Variants in XKR4 observed in about 807,000 individuals in gnomAD.
XKR4 encodes the protein XK-related protein 4.
In XKR4, 12 loss-of-function variants were observed where a neutral mutation model predicts 53.9. That is an observed-to-expected ratio of 0.22 (90% CI 0.14 to 0.36). The LOEUF (loss-of-function observed/expected upper bound fraction) is 0.36. Ranked by LOEUF, XKR4 falls within the 10% of genes least tolerant of loss-of-function variation. XKR4 has a pLI of 1.00. For synonymous variants in XKR4, 354 were observed against 362.4 expected (o/e 0.98, Z 0.26); for missense variants, 799 against 859.5 (o/e 0.93, Z 0.88).
chr8:55,450,815 T>C (rs915212288), intron 2 of XKR4: 35 of 506,732 alleles, frequency 6.9e-5, no homozygotes, highest in African/African-American at 5.5e-4. Flanking sequence ...ACATGGGTGG[T>C]GATGTCCCAG....
intron 2 of XKR4, among the ~76,000 whole-genome samples, chr8:55,463,922 C>G (rs1805707831): frequency 6.6e-6 from 1 of 152,230 alleles, no homozygotes; most frequent in African/African-American, 2.4e-5. Context: ...CAAGACTAAA[C>G]CAGGAGGAAG....
intron 1 of XKR4, among the ~76,000 whole-genome samples, chr8:55,307,804 T>G (rs947619605): frequency 6.6e-6 from 1 of 152,154 alleles, no homozygotes; most frequent in Non-Finnish European, 1.5e-5. Flanking sequence ...ACAGCAGCAG[T>G]TGCTGGCAAG....
chr8:55,216,412 G>T (rs1350523153), intron 1 of XKR4, among the ~76,000 whole-genome samples: 1 of 152,136 alleles, frequency 6.6e-6, no homozygotes, highest in African/African-American at 2.4e-5. Context: ...GGTAGAGAAG[G>T]ATTTTTAAAA....
intron 2 of XKR4, among the ~76,000 whole-genome samples, chr8:55,395,781 GACCT>G (rs967060450): frequency 1.3e-5 from 2 of 152,222 alleles, no homozygotes; most frequent in African/African-American, 4.8e-5. Context: ...CAGGAGGTAT[GACCT>G]AAGGAACAGT....
intron 1 of XKR4, among the ~76,000 whole-genome samples, chr8:55,253,885 G>A (rs899737653): frequency 4.0e-5 from 6 of 151,782 alleles, no homozygotes; most frequent in African/African-American, 1.4e-4. Flanking sequence ...CATGCCTCAG[G>A]AATTTCTGTG....
intron 1 of XKR4, among the ~76,000 whole-genome samples, chr8:55,247,843 C>CTTTCTTTCTTTCTTTCTTTCTTTCTTTA (rs1818304534): frequency 1.9e-5 from 1 of 51,892 alleles, no homozygotes; most frequent in South Asian, 7.7e-4. Context: ...CTTTTTCTTT[C>CTTTCTTTCTTTCTTTCTTTCTTTCTTTA]TTTCTTTCTT....
Position 55,401,894 on chromosome 8 carries a change from A to G in XKR4, c.1006+44017A>G, listed in dbSNP as rs909695707. Among the ~76,000 whole-genome samples the G allele has an allele frequency of 2.6e-4, 40 of 152,252 alleles. 1 individual carries two copies. The highest frequency in any genetic ancestry group is 8.2e-4 in the African/African-American group (34 of 41,474). On this transcript the variant is annotated intron_variant, in intron 2 of 2. Transcript: ENST00000327381. ...AGGAATTATAAGTACATATTTACTA[A>G]TTCATTTGAAATTAGCAGTAATAAA...
chr8:55,394,461 T>C (rs1458249593), intron 2 of XKR4, among the ~76,000 whole-genome samples: 2 of 152,240 alleles, frequency 1.3e-5, no homozygotes, highest in Non-Finnish European at 2.9e-5. Context: ...CTAAGCATTA[T>C]GAAAATACAT....
rs527404855 is a variant in XKR4 at position 55,440,518 on chromosome 8, C to A, written c.1006+82641C>A. Among the ~76,000 whole-genome samples, 35 of 151,842 alleles carry A rather than the reference C, an allele frequency of 2.3e-4. No individual in the cohort carries two copies. In the South Asian group the frequency reaches 6.4e-3, roughly 28 times the overall value. ...GGTGGGCAAATATTCTGATTTAGAC[C>A]TTAGGTTAAATATGCACATGAAGAT... On this transcript the variant is annotated intron_variant, in intron 2 of 2. Coordinates refer to ENST00000327381, the MANE Select transcript of XKR4 (RefSeq NM_052898.2).
At chr8:55,223,033 C>T (rs1817901971) in intron 1 of XKR4, among the ~76,000 whole-genome samples, 1 of 151,976 alleles carries the variant, frequency 6.6e-6, no homozygotes, top group Non-Finnish European at 1.5e-5. Flanking sequence ...CCTCTCTTGT[C>T]CAGGAGAGGA....
chr8:55,431,520 A>C (rs1221466120), intron 2 of XKR4, among the ~76,000 whole-genome samples: 1 of 152,218 alleles, frequency 6.6e-6, no homozygotes, highest in African/African-American at 2.4e-5. Context: ...GATTATCTTT[A>C]GCTTGAAAAC....
At chr8:55,404,502 C>T (rs1030829476) in intron 2 of XKR4, among the ~76,000 whole-genome samples, 4 of 152,170 alleles carry the variant, frequency 2.6e-5, no homozygotes, top group Non-Finnish European at 1.5e-5. Flanking sequence ...CGTCATTTCC[C>T]CAGGAGCTTC....
At chr8:55,239,466 C>A (rs191027949) in intron 1 of XKR4, among the ~76,000 whole-genome samples, 26 of 152,338 alleles carry the variant, frequency 1.7e-4, no homozygotes, top group African/African-American at 6.0e-4. Flanking sequence ...TTTGCACTGA[C>A]TTTTAAGCTC....
At chr8:55,389,092 G>A (rs1804398301) in intron 2 of XKR4, among the ~76,000 whole-genome samples, 1 of 152,214 alleles carries the variant, frequency 6.6e-6, no homozygotes, top group Non-Finnish European at 1.5e-5. Flanking sequence ...CACAGGGAGA[G>A]AGACACGTGA....
At chr8:55,166,841 G>A (rs1431458544) in intron 1 of XKR4, among the ~76,000 whole-genome samples, 2 of 152,240 alleles carry the variant, frequency 1.3e-5, no homozygotes, top group Non-Finnish European at 2.9e-5. Context: ...CCATCTGGTG[G>A]ACTAGAGCAC....
At chr8:55,361,958 G>A (rs1170678064) in intron 2 of XKR4, among the ~76,000 whole-genome samples, 2 of 152,054 alleles carry the variant, frequency 1.3e-5, no homozygotes, top group African/African-American at 4.8e-5. Flanking sequence ...TTCCACATTA[G>A]TATTTCCTCA....
At chr8:55,472,995 G>A (rs745940909) in intron 2 of XKR4, among the ~76,000 whole-genome samples, 9 of 151,990 alleles carry the variant, frequency 5.9e-5, no homozygotes, top group South Asian at 2.1e-4. Context: ...CTATGAATAC[G>A]ATTACCCCAC....
chr8:55,252,847 G>A (rs1280406296), intron 1 of XKR4, among the ~76,000 whole-genome samples: 1 of 152,190 alleles, frequency 6.6e-6, no homozygotes, highest in East Asian at 1.9e-4. Context: ...GAGGCAGAAG[G>A]AATGGCAGAG....
At chr8:55,120,540 G>A (rs925233788) in intron 1 of XKR4, among the ~76,000 whole-genome samples, 2 of 121,414 alleles carry the variant, frequency 1.6e-5, no homozygotes, top group East Asian at 3.0e-4. Flanking sequence ...TGAGACCCCT[G>A]TCACCTTTTA....
Sources: gnomAD v4.1 joint callset for allele counts (sites outside exome capture counted in the v4.1 genomes callset) on GRCh38, gnomAD v4.1.1 for gene constraint, MANE v1.5 for transcripts, NCBI Gene and HGNC (gene_info 2026-07-23, HGNC 2026-07-21) for gene names.